Variants in SRBD1 observed in about 807,000 individuals in gnomAD.
SRBD1 encodes the protein S1 RNA binding domain 1.
A neutral mutation model predicts 115.3 loss-of-function variants in SRBD1; 88 were observed. The ratio of observed to expected loss-of-function variants is 0.76; its 90% CI spans 0.64 to 0.91. SRBD1 has a LOEUF of 0.91. SRBD1 is among the 40% of genes least tolerant of loss of function. The probability of loss-of-function intolerance (pLI) is 0.00; values close to 1 mark genes in which losing one functional copy is unlikely to be tolerated. For synonymous variants in SRBD1, 509 were observed against 407.7 expected (o/e 1.25, Z -2.99); for missense variants, 1,385 against 1,177.4 (o/e 1.18, Z -2.58).
At chr2:45,590,845 C>T (rs1238981737) in intron 4 of SRBD1, among the ~76,000 whole-genome samples, 2 of 152,124 alleles carry the variant, frequency 1.3e-5, no homozygotes, top group East Asian at 3.9e-4. Context: ...GATGAAACTC[C>T]GTCTCTACTA....
intron 16 of SRBD1, among the ~76,000 whole-genome samples, chr2:45,424,975 T>G (rs1271069813): frequency 6.6e-6 from 1 of 152,220 alleles, no homozygotes; most frequent in African/African-American, 2.4e-5. Flanking sequence ...AAAGCTAACT[T>G]AGCGAGAATG....
At chr2:45,431,566 G>A (rs949066663) in intron 16 of SRBD1, among the ~76,000 whole-genome samples, 5 of 152,120 alleles carry the variant, frequency 3.3e-5, no homozygotes, top group Admixed American at 3.3e-4. Context: ...ATAAATGGGA[G>A]TTGAACAATG....
chr2:45,547,106 CA>C (rs1470454605), intron 13 of SRBD1, among the ~76,000 whole-genome samples: 4 of 152,046 alleles, frequency 2.6e-5, no homozygotes, highest in Non-Finnish European at 4.4e-5. Flanking sequence ...AAGAAGGAAC[CA>C]AAATCAGAGA....
At chr2:45,446,367 G>A (rs1324526159) in intron 16 of SRBD1, among the ~76,000 whole-genome samples, 1 of 152,118 alleles carries the variant, frequency 6.6e-6, no homozygotes, top group Non-Finnish European at 1.5e-5. Context: ...GCCTGGGGGA[G>A]AGCAGGGAGT....
intron 16 of SRBD1, among the ~76,000 whole-genome samples, chr2:45,421,238 T>G (rs1458354946): frequency 6.6e-6 from 1 of 152,058 alleles, no homozygotes; most frequent in Admixed American, 6.5e-5. Flanking sequence ...CCAGGCGTGG[T>G]GGCTCACGCC....
chr2:45,440,171 A>T (rs868417734), intron 16 of SRBD1, among the ~76,000 whole-genome samples: 12 of 152,210 alleles, frequency 7.9e-5, no homozygotes, highest in African/African-American at 2.9e-4. Flanking sequence ...TCCTGCCTTT[A>T]AAAGTTTCTG....
chr2:45,389,263 C>G lies in SRBD1; in HGVS notation c.*47G>C. Reference sequence around the variant, plus strand: ...AAACAACTGACTTATCCTTGTCAATCTGTGGAAATGAGAAAATAAAATCAG... The same window carrying G: ...AAACAACTGACTTATCCTTGTCAATGTGTGGAAATGAGAAAATAAAATCAG... On this transcript the variant is annotated 3_prime_UTR_variant, in exon 21 of 21. Transcript: ENST00000263736. 1 of 1,583,092 alleles carries G rather than the reference C, an allele frequency of 6.3e-7. No individual in the cohort carries two copies. Among genetic ancestry groups the G allele is most frequent in the African/African-American group, 1.4e-5 (1 of 73,732 alleles).
chr2:45,470,928 AG>A (rs2103802131), intron 16 of SRBD1, among the ~76,000 whole-genome samples: 1 of 152,330 alleles, frequency 6.6e-6, no homozygotes, highest in South Asian at 2.1e-4. Context: ...TTAAACCAAA[AG>A]TATTTTAGTT....
At chr2:45,486,191 A>G (rs1670113387) in intron 15 of SRBD1, among the ~76,000 whole-genome samples, 1 of 152,238 alleles carries the variant, frequency 6.6e-6, no homozygotes, top group African/African-American at 2.4e-5. Flanking sequence ...CCAGTGGTTA[A>G]GAAGAAACAG....
At chr2:45,522,938 T>A (rs1322674181) in intron 14 of SRBD1, among the ~76,000 whole-genome samples, 1 of 152,132 alleles carries the variant, frequency 6.6e-6, no homozygotes, top group Non-Finnish European at 1.5e-5. Flanking sequence ...TACACAAATT[T>A]CTGACTACAC....
intron 19 of SRBD1, among the ~76,000 whole-genome samples, chr2:45,406,188 C>A (rs1220031810): frequency 6.6e-6 from 1 of 151,970 alleles, no homozygotes; most frequent in Admixed American, 6.6e-5. Context: ...TCAGCAGCAA[C>A]CTGGCAGAAG....
At position 45,508,207 on chromosome 2, in the gene SRBD1, G is replaced by C. The variant is rs867896007; in HGVS notation, c.1875-19876C>G. Among the ~76,000 whole-genome samples the C allele has an allele frequency of 3.8e-4, 58 of 152,102 alleles. 1 individual carries two copies. Among genetic ancestry groups the C allele is most frequent in the African/African-American group, 1.4e-3 (57 of 41,550 alleles). Reference sequence around the variant, plus strand: ...AGAAGAAAGCTAAAGCTGTGTTCTTGAAATTCCCAAAGGTAAAAGAGGAAA... The same window carrying C: ...AGAAGAAAGCTAAAGCTGTGTTCTTCAAATTCCCAAAGGTAAAAGAGGAAA... On this transcript the variant is annotated intron_variant, in intron 14 of 20. Transcript: ENST00000263736.
intron 9 of SRBD1, among the ~76,000 whole-genome samples, chr2:45,572,013 C>T (rs1478047529): frequency 6.6e-6 from 1 of 152,040 alleles, no homozygotes. Flanking sequence ...AAACATTAAT[C>T]TACACGTCTA....
intron 14 of SRBD1, among the ~76,000 whole-genome samples, chr2:45,499,882 G>GT (rs529786010): frequency 5.3e-4 from 81 of 152,234 alleles, no homozygotes; most frequent in African/African-American, 1.8e-3. Context: ...GTATCATGCT[G>GT]TTTTGGTTAT....
chr2:45,544,841 G>C (rs1672059013), intron 14 of SRBD1, among the ~76,000 whole-genome samples: 1 of 152,084 alleles, frequency 6.6e-6, no homozygotes, highest in South Asian at 2.1e-4. Flanking sequence ...TAAACCCTTA[G>C]TGTTTTAATT....
intron 18 of SRBD1, among the ~76,000 whole-genome samples, chr2:45,414,732 TGTGTATATAGTATGTACACACACAC>T (rs1667735600): frequency 7.9e-6 from 1 of 126,906 alleles, no homozygotes; most frequent in Non-Finnish European, 1.6e-5. Flanking sequence ...ACACACACAG[TGTGTATATAGTATGTACACACACAC>T]AGTGTGTATA....
At chr2:45,413,039 T>C in intron 19 of SRBD1, 75 bp downstream of exon 19, 2 of 1,494,336 alleles carry the variant, frequency 1.3e-6, no homozygotes, top group Non-Finnish European at 1.8e-6. Flanking sequence ...GTTTCCATTA[T>C]GCCAAAACAA....
chr2:45,496,307 T>C (rs1011761438), intron 14 of SRBD1, among the ~76,000 whole-genome samples: 1 of 151,802 alleles, frequency 6.6e-6, no homozygotes, highest in Non-Finnish European at 1.5e-5. Flanking sequence ...TCCATCATTA[T>C]CTAATAACGT....
chr2:45,520,699 C>G (rs1048693325), intron 14 of SRBD1, among the ~76,000 whole-genome samples: 7 of 152,190 alleles, frequency 4.6e-5, no homozygotes, highest in African/African-American at 1.7e-4. Context: ...GAAGGAGCAT[C>G]TGAACACCAA....
Sources: gnomAD v4.1 joint callset for allele counts (sites outside exome capture counted in the v4.1 genomes callset) on GRCh38, gnomAD v4.1.1 for gene constraint, MANE v1.5 for transcripts, NCBI Gene and HGNC (gene_info 2026-07-23, HGNC 2026-07-21) for gene names.